Variants in ZNF736 observed in about 807,000 individuals in gnomAD.
ZNF736 encodes the protein KRAB-containing zinc-finger repressor protein.
In ZNF736, 6 loss-of-function variants were observed where a neutral mutation model predicts 11.7. The observed-to-expected ratio is 0.51, with a 90% CI of 0.28 to 1.01. The LOEUF (loss-of-function observed/expected upper bound fraction) is 1.01. Ranked by LOEUF, ZNF736 falls within the 50% of genes least tolerant of loss-of-function variation. The pLI is 0.09. For missense variants in ZNF736, 444 were observed against 496.0 expected (o/e 0.90, Z 1.00); for synonymous variants, 139 against 164.7 (o/e 0.84, Z 1.19).
intron 1 of ZNF736, among the ~76,000 whole-genome samples, chr7:64,330,380 A>T (rs1365272503): frequency 6.6e-6 from 1 of 151,928 alleles, no homozygotes; most frequent in East Asian, 1.9e-4. Context: ...GATGGTCTCC[A>T]TCTCCTGACC....
chr7:64,328,170 A>G (rs1260058016), intron 1 of ZNF736, among the ~76,000 whole-genome samples: 1 of 151,428 alleles, frequency 6.6e-6, no homozygotes, highest in African/African-American at 2.4e-5. Context: ...ATTCATTTAG[A>G]TTGAAGAACT....
Position 64,314,029 on chromosome 7 carries a change from A to G in ZNF736, c.-122A>G, listed in dbSNP as rs567481977. The G allele has an allele frequency of 8.6e-6, 12 of 1,394,068 alleles. No homozygotes were observed. The East Asian group carries it at 2.0e-4, about 23-fold the overall frequency. The allele number at this position is 1,394,068 out of a possible 1,614,324, so 86.4% of individuals were successfully genotyped here. A position where few individuals can be genotyped will look rare whatever the true frequency, so the allele number is the denominator to read the frequency against. ...GGCTCTGATCCTAGTTCGCGTCTCC[A>G]CTGTTCCATCTCCTCCGTTCCTGGA... On this transcript the variant is annotated 5_prime_UTR_variant, in exon 1 of 4. Coordinates refer to ENST00000423484, the MANE Select transcript of ZNF736 (RefSeq NM_001170905.3).
Position 64,349,189 on chromosome 7 carries a change from A to C in ZNF736, c.*42A>C. 1 of 1,419,958 alleles carries C rather than the reference A, an allele frequency of 7.0e-7. No individual in the cohort carries two copies. The allele number at this position is 1,419,958 out of a possible 1,614,324, so 88.0% of individuals were successfully genotyped here. On this transcript the variant is annotated 3_prime_UTR_variant, in exon 4 of 4. Coordinates refer to ENST00000423484, the MANE Select transcript of ZNF736 (RefSeq NM_001170905.3). ...TTACCAAGTCCTCATACTGTGTTCA[A>C]CATCTGAAATTTAATACTGAACAAA...
chr7:64,331,972 A>G (rs1789175050), intron 1 of ZNF736, among the ~76,000 whole-genome samples: 1 of 152,158 alleles, frequency 6.6e-6, no homozygotes, highest in Admixed American at 6.5e-5. Context: ...CTGCAATTCT[A>G]GGTCCTTCTG....
chr7:64,324,652 G>C (rs1789058628), intron 1 of ZNF736, among the ~76,000 whole-genome samples: 1 of 152,132 alleles, frequency 6.6e-6, no homozygotes, highest in African/African-American at 2.4e-5. Flanking sequence ...GTCCTCAGAC[G>C]CTAAATCTGT....
intron 1 of ZNF736, among the ~76,000 whole-genome samples, chr7:64,332,604 A>C (rs568553352): frequency 1.3e-5 from 2 of 152,036 alleles, no homozygotes; most frequent in Non-Finnish European, 2.9e-5. Flanking sequence ...TCTGACCACA[A>C]ATTTACCCGG....
chr7:64,324,305 C>T (rs1297877458), intron 1 of ZNF736, among the ~76,000 whole-genome samples: 2 of 152,130 alleles, frequency 1.3e-5, no homozygotes, highest in Non-Finnish European at 1.5e-5. Flanking sequence ...AGGACATGTG[C>T]GTGCCTGTGA....
At chr7:64,319,996 C>G (rs1410660666) in intron 1 of ZNF736, among the ~76,000 whole-genome samples, 1 of 151,826 alleles carries the variant, frequency 6.6e-6, no homozygotes, top group African/African-American at 2.4e-5. Context: ...TTATTTAGTT[C>G]CAGAGAGAAG....
intron 1 of ZNF736, among the ~76,000 whole-genome samples, chr7:64,332,063 G>A (rs2115914509): frequency 6.6e-6 from 1 of 152,206 alleles, no homozygotes; most frequent in East Asian, 1.9e-4. Flanking sequence ...TGTAATTTGT[G>A]CAGATAATCA....
At chr7:64,328,479 G>A (rs887788660) in intron 1 of ZNF736, among the ~76,000 whole-genome samples, 7 of 151,760 alleles carry the variant, frequency 4.6e-5, no homozygotes, top group African/African-American at 7.3e-5. Context: ...TCAGGTAGTC[G>A]GCCGGGCGCG....
At chr7:64,341,905 G>A (rs1386557979) in intron 3 of ZNF736, among the ~76,000 whole-genome samples, 1 of 152,176 alleles carries the variant, frequency 6.6e-6, no homozygotes, top group Non-Finnish European at 1.5e-5. Context: ...ACATGTGAAA[G>A]GTCCAAAGGT....
rs1287646064 is a variant in ZNF736, at chr7:64,345,013, A to T, written c.227-3077A>T. On this transcript the variant is annotated intron_variant, in intron 3 of 3. Coordinates refer to ENST00000423484, the MANE Select transcript of ZNF736 (RefSeq NM_001170905.3). The stretch of plus-strand genomic sequence containing the variant: ...TTTTTGGAAAAGTAAAATTTATTTT[A>T]TTATTTATTTATTTATTTATTTATT... Among the ~76,000 whole-genome samples the T allele has an allele frequency of 5.6e-5, 8 of 141,868 alleles. No individual in the cohort carries two copies. In the Admixed American group the frequency reaches 5.7e-4, roughly 10 times the overall value. 93.1% of individuals were successfully genotyped at this position (141,868 alleles called of 152,430 possible). A position where few individuals can be genotyped will look rare whatever the true frequency, so the allele number is the denominator to read the frequency against.
At chr7:64,345,732 T>TAAAAAAAAAA (rs60388880) in intron 3 of ZNF736, among the ~76,000 whole-genome samples, 2 of 82,882 alleles carry the variant, frequency 2.4e-5, no homozygotes, top group African/African-American at 1.0e-4. Flanking sequence ...TACTCCATCT[T>TAAAAAAAAAA]AAAAAAAAAA....
intron 1 of ZNF736, among the ~76,000 whole-genome samples, chr7:64,330,276 C>T (rs1213595276): frequency 6.6e-6 from 1 of 152,276 alleles, no homozygotes; most frequent in East Asian, 1.9e-4. Context: ...CCTGCCTCAG[C>T]CTCCCAAGTA....
At chr7:64,318,112 T>C (rs1788942319) in intron 1 of ZNF736, among the ~76,000 whole-genome samples, 1 of 152,000 alleles carries the variant, frequency 6.6e-6, no homozygotes, top group South Asian at 2.1e-4. Context: ...TATAAAGATA[T>C]ATTTTCTAAT....
At chr7:64,337,685 A>G (rs1305122800) in intron 3 of ZNF736, among the ~76,000 whole-genome samples, 1 of 150,948 alleles carries the variant, frequency 6.6e-6, no homozygotes, top group East Asian at 1.9e-4. Context: ...TTTATTAAAT[A>G]TACTATGTCA....
chr7:64,315,479 AT>A (rs1274890165), intron 1 of ZNF736, among the ~76,000 whole-genome samples: 1 of 152,074 alleles, frequency 6.6e-6, no homozygotes, highest in East Asian at 1.9e-4. Flanking sequence ...TGGTTATGTA[AT>A]TAGAGCTTTT....
intron 1 of ZNF736, among the ~76,000 whole-genome samples, chr7:64,319,364 T>TATAC (rs1305125094): frequency 1.1e-4 from 14 of 129,536 alleles, no homozygotes; most frequent in African/African-American, 4.0e-4. Flanking sequence ...TATATATATA[T>TATAC]ATATATATAT....
intron 1 of ZNF736, among the ~76,000 whole-genome samples, chr7:64,329,332 A>C (rs1436621051): frequency 6.6e-6 from 1 of 152,126 alleles, no homozygotes. Context: ...TCTGGGCATT[A>C]ATGAGTTAGG....
Sources: gnomAD v4.1 joint callset for allele counts (sites outside exome capture counted in the v4.1 genomes callset) on GRCh38, gnomAD v4.1.1 for gene constraint, MANE v1.5 for transcripts, NCBI Gene and HGNC (gene_info 2026-07-23, HGNC 2026-07-21) for gene names.